TRAPPC9: variants seen among roughly 807,000 people sequenced by gnomAD.
The protein encoded by TRAPPC9 is IKK2 binding protein.
In TRAPPC9, 83 loss-of-function variants were observed where a neutral mutation model predicts 124.0. The ratio of observed to expected loss-of-function variants is 0.67; its 90% CI spans 0.56 to 0.80. TRAPPC9 has a LOEUF of 0.80. Among genes scored for constraint, TRAPPC9 ranks in the 30% least tolerant of loss-of-function variants. The pLI is 0.00. For synonymous variants in TRAPPC9, 638 were observed against 617.5 expected, an observed-to-expected ratio of 1.03 and a Z score of -0.49; for missense variants, 1,302 against 1,508.3, an observed-to-expected ratio of 0.86 and a Z score of 2.27.
intron 17 of TRAPPC9, among the ~76,000 whole-genome samples, chr8:140,043,997 G>A (rs1841422942): frequency 6.6e-6 from 1 of 152,138 alleles, no homozygotes; most frequent in Admixed American, 6.5e-5. Flanking sequence ...CAGGTAAGCA[G>A]ACCGCCCCAT....
At chr8:140,259,218 CA>C (rs2064341598) in intron 15 of TRAPPC9, among the ~76,000 whole-genome samples, 3 of 152,222 alleles carry the variant, frequency 2.0e-5, no homozygotes, top group Non-Finnish European at 2.9e-5. Context: ...CTCACTTTCC[CA>C]AATACAGAAA....
At chr8:140,380,548 A>G (rs1425949247) in intron 7 of TRAPPC9, among the ~76,000 whole-genome samples, 5 of 150,380 alleles carry the variant, frequency 3.3e-5, no homozygotes, top group African/African-American at 1.2e-4. Flanking sequence ...CCAACTACTC[A>G]GGAGACTGAG....
intron 17 of TRAPPC9, among the ~76,000 whole-genome samples, chr8:140,162,723 T>A (rs1042384031): frequency 2.0e-5 from 3 of 152,188 alleles, no homozygotes; most frequent in African/African-American, 7.2e-5. Context: ...GCACAGTGGC[T>A]CATGCTGTGT....
chr8:140,284,160 C>A, intron 13 of TRAPPC9, 139 bp from the exon 14 acceptor site: 1 of 1,061,880 alleles, frequency 9.4e-7, no homozygotes, highest in Non-Finnish European at 1.4e-6. Context: ...CCGGCGCTCA[C>A]CCACACTCCC....
chr8:139,840,104 A>G (rs1290885430), intron 21 of TRAPPC9, among the ~76,000 whole-genome samples: 2 of 152,216 alleles, frequency 1.3e-5, no homozygotes, highest in African/African-American at 2.4e-5. Flanking sequence ...TGTGCAGTCC[A>G]TCCCACGGCC....
At chr8:140,314,119 A>G (rs1339829328) in intron 9 of TRAPPC9, among the ~76,000 whole-genome samples, 3 of 152,184 alleles carry the variant, frequency 2.0e-5, no homozygotes, top group Non-Finnish European at 4.4e-5. Context: ...TTCCTCATCA[A>G]TCATTTGGTT....
chr8:139,954,276 T>C (rs971726156), intron 19 of TRAPPC9, among the ~76,000 whole-genome samples: 4 of 152,130 alleles, frequency 2.6e-5, no homozygotes, highest in African/African-American at 9.7e-5. Flanking sequence ...GTATGTGTAG[T>C]TTTTAGTATG....
chr8:139,922,502 C>A (rs1032032337), intron 19 of TRAPPC9, among the ~76,000 whole-genome samples: 6 of 152,212 alleles, frequency 3.9e-5, no homozygotes, highest in Non-Finnish European at 7.3e-5. Flanking sequence ...TTTGTCTTCA[C>A]AAAGCAGATG....
intron 17 of TRAPPC9, among the ~76,000 whole-genome samples, chr8:140,120,551 A>ACATC (rs757012774): frequency 9.2e-5 from 14 of 151,758 alleles, no homozygotes; most frequent in Admixed American, 2.6e-4. Context: ...CATCTATCCA[A>ACATC]CATCCATCCA....
intron 21 of TRAPPC9, among the ~76,000 whole-genome samples, chr8:139,773,235 T>C (rs1446832653): frequency 4.6e-5 from 7 of 152,234 alleles, no homozygotes; most frequent in Admixed American, 6.5e-5. Flanking sequence ...CCTCTGTCCC[T>C]CCTCGTGCCG....
intron 6 of TRAPPC9, among the ~76,000 whole-genome samples, chr8:140,402,731 A>C (rs1478752945): frequency 1.3e-5 from 2 of 152,086 alleles, no homozygotes; most frequent in Non-Finnish European, 2.9e-5. Context: ...AAACACTCTT[A>C]GATATCAAGT....
chr8:139,802,055 T>A (rs923337177), intron 21 of TRAPPC9, among the ~76,000 whole-genome samples: 1 of 152,224 alleles, frequency 6.6e-6, no homozygotes. Context: ...AGCTTGATTT[T>A]CTAGCTCTGG....
intron 21 of TRAPPC9, among the ~76,000 whole-genome samples, chr8:139,736,501 C>G (rs118029118): frequency 6.6e-6 from 1 of 152,228 alleles, no homozygotes; most frequent in Non-Finnish European, 1.5e-5. Flanking sequence ...AATCCCCTGA[C>G]GCTGACTCTT....
intron 21 of TRAPPC9, among the ~76,000 whole-genome samples, chr8:139,803,736 C>A (rs1288135863): frequency 6.6e-6 from 1 of 152,220 alleles, no homozygotes; most frequent in Admixed American, 6.5e-5. Context: ...CCCGGAGTCA[C>A]TGGAAGGCAG....
At chr8:139,793,708 T>G (rs987313359) in intron 21 of TRAPPC9, among the ~76,000 whole-genome samples, 3 of 152,174 alleles carry the variant, frequency 2.0e-5, no homozygotes, top group South Asian at 2.1e-4. Flanking sequence ...TGTGGCTGTT[T>G]AGAGAGGTGG....
intron 21 of TRAPPC9, among the ~76,000 whole-genome samples, chr8:139,760,083 G>C (rs1219173732): frequency 6.6e-6 from 1 of 152,240 alleles, no homozygotes; most frequent in Non-Finnish European, 1.5e-5. Flanking sequence ...TGCACAGTGT[G>C]CTGTGTGTTG....
At chr8:140,142,737 T>C (rs4282547) in intron 17 of TRAPPC9, among the ~76,000 whole-genome samples, 116,467 of 152,262 alleles carry the variant, frequency 0.76, 45,884 homozygotes, top group African/African-American at 0.95. Flanking sequence ...CAGTTGCAGG[T>C]TTTAATTTCA....
chr8:140,064,855 C>T (rs548011036), intron 17 of TRAPPC9, among the ~76,000 whole-genome samples: 66 of 152,300 alleles, frequency 4.3e-4, no homozygotes, highest in African/African-American at 1.5e-3. Context: ...AGACTCCCCC[C>T]ATTCACTGCA....
At chr8:139,996,587 A>T (rs1000256389) in intron 18 of TRAPPC9, among the ~76,000 whole-genome samples, 2 of 152,230 alleles carry the variant, frequency 1.3e-5, no homozygotes, top group Middle Eastern at 3.2e-3. Flanking sequence ...AACCTCTAAA[A>T]ATCACGTCAC....
Sources: allele counts gnomAD v4.1 joint callset (sites outside exome capture counted in the v4.1 genomes callset), GRCh38; gene constraint gnomAD v4.1.1; transcripts MANE v1.5; gene names NCBI Gene and HGNC (gene_info 2026-07-23, HGNC 2026-07-21).